FBN1: variants seen among roughly 807,000 people sequenced by gnomAD.
FBN1 encodes the protein fibrillin 1, also known as fibrillin-1.
In FBN1, 29 loss-of-function variants were observed where a neutral mutation model predicts 365.1. That is an observed-to-expected ratio of 0.08 (90% CI 0.06 to 0.11). The LOEUF is 0.11. FBN1 is among the 10% of genes least tolerant of loss of function. The pLI is 1.00. For synonymous variants in FBN1, 1,210 were observed against 1,270.5 expected (o/e 0.95, Z 1.01); for missense variants, 2,476 against 3,703.2 (o/e 0.67, Z 8.60).
intron 10 of FBN1, among the ~76,000 whole-genome samples, chr15:48,518,613 T>G (rs1403114230): frequency 6.6e-6 from 1 of 152,222 alleles, no homozygotes; most frequent in Non-Finnish European, 1.5e-5. Flanking sequence ...AATCTGATAT[T>G]TCTTCCTATT....
intron 32 of FBN1, chr15:48,476,746 G>A: frequency 6.0e-6 from 1 of 166,076 alleles, no homozygotes; most frequent in Middle Eastern, 3.0e-3. Flanking sequence ...TAGTAGCTGG[G>A]ATTACAGGTG....
chr15:48,611,256 T>C (rs1298322995), intron 3 of FBN1, among the ~76,000 whole-genome samples: 2 of 152,216 alleles, frequency 1.3e-5, no homozygotes, highest in Non-Finnish European at 2.9e-5. Context: ...ATTGTAAATT[T>C]ATTTTGTTTT....
At chr15:48,471,867 C>A (rs1387852648) in intron 35 of FBN1, among the ~76,000 whole-genome samples, 2 of 152,184 alleles carry the variant, frequency 1.3e-5, no homozygotes, top group Non-Finnish European at 2.9e-5. Context: ...ATCTTGTGTT[C>A]CCTAATGGGA....
chr15:48,590,743 T>C (rs971859121), intron 6 of FBN1, among the ~76,000 whole-genome samples: 25 of 152,350 alleles, frequency 1.6e-4, no homozygotes, highest in African/African-American at 5.8e-4. Context: ...ACTGTTCTGC[T>C]TCTCTAATGA....
intron 52 of FBN1, 49 bp from the exon 53 acceptor site, chr15:48,437,126 T>A: frequency 7.6e-7 from 1 of 1,324,280 alleles, no homozygotes. Flanking sequence ...TTTTTAAACG[T>A]GAAGATAAAT....
chr15:48,572,776 A>C (rs977342800), intron 6 of FBN1, among the ~76,000 whole-genome samples: 2 of 152,218 alleles, frequency 1.3e-5, no homozygotes, highest in Non-Finnish European at 2.9e-5. Flanking sequence ...AAAAAGAGGG[A>C]CATAAGCTTT....
chr15:48,520,254 G>A (rs994608117), intron 10 of FBN1, among the ~76,000 whole-genome samples: 2 of 151,984 alleles, frequency 1.3e-5, no homozygotes, highest in African/African-American at 4.8e-5. Context: ...AAACAAGCAG[G>A]ACTTAGCAGG....
chr15:48,422,552 A>G (rs1034713246), intron 60 of FBN1, among the ~76,000 whole-genome samples: 1 of 152,244 alleles, frequency 6.6e-6, no homozygotes, highest in African/African-American at 2.4e-5. Flanking sequence ...CATCAAAAAC[A>G]AAATCTGATT....
rs200285733 is a variant in FBN1, at chr15:48,445,125, T to C, written c.5917+251A>G. On this transcript the variant is annotated intron_variant, in intron 48 of 65. Coordinates refer to ENST00000316623, the MANE Select transcript of FBN1 (RefSeq NM_000138.5). Reference sequence around the variant, plus strand: ...AAGTGATTATATATATATATACACATATATATATATACACACACACATATA... The same window carrying C: ...AAGTGATTATATATATATATACACACATATATATATACACACACACATATA... 2.4e-4 allele frequency among the ~76,000 whole-genome samples: 33 copies of C among 135,830 alleles called. 1 individual carries two copies. Among genetic ancestry groups the C allele is most frequent in the Admixed American group, 6.9e-4 (9 of 13,128 alleles). The allele number at this position is 135,830 out of a possible 152,430, so 89.1% of individuals were successfully genotyped here. A position where few individuals can be genotyped will look rare whatever the true frequency, so the allele number is the denominator to read the frequency against.
intron 40 of FBN1, among the ~76,000 whole-genome samples, chr15:48,464,900 C>G (rs2141268803): frequency 6.6e-6 from 1 of 152,284 alleles, no homozygotes; most frequent in African/African-American, 2.4e-5. Flanking sequence ...TCAACTAATA[C>G]TCAATAAGGT....
chr15:48,428,273 A>G (rs1043035540), intron 57 of FBN1, 73 bp downstream of exon 57: 2 of 1,565,188 alleles, frequency 1.3e-6, no homozygotes, highest in Non-Finnish European at 1.8e-6. Context: ...TGTATTTTAA[A>G]TAAGAAGTCT....
chr15:48,503,878 C>A lies in FBN1; in HGVS notation c.2022G>T (p.Leu674Phe), dbSNP rs794728182. ...ATTCAGATTTAGTGACAGCACCAAA[C>A]AAAGGTTTGATACACTGGCCTCTCT... ...GYKRGQCIKP[L>F]FGAVTKSECC... The change falls in exon 17 of 66, where the codon TTG (leucine) becomes TTT (phenylalanine). Residue 674 changes from leucine to phenylalanine, a missense_variant. By Grantham distance (22) the Leu-to-Phe change is conservative. Coordinates refer to ENST00000316623, the MANE Select transcript of FBN1 (RefSeq NM_000138.5). The A allele has an allele frequency of 6.2e-7, 1 of 1,614,198 alleles. No individual in the cohort carries two copies. The highest frequency in any genetic ancestry group is 8.5e-7 in the Non-Finnish European group (1 of 1,180,042).
At chr15:48,490,987 G>C (rs1386356541) in intron 24 of FBN1, among the ~76,000 whole-genome samples, 3 of 152,096 alleles carry the variant, frequency 2.0e-5, no homozygotes, top group Non-Finnish European at 2.9e-5. Flanking sequence ...AACTCCCTGG[G>C]TTTCCTCTAA....
chr15:48,535,320 A>G (rs528169647), intron 7 of FBN1, among the ~76,000 whole-genome samples: 32 of 152,346 alleles, frequency 2.1e-4, no homozygotes, highest in Non-Finnish European at 3.4e-4. Context: ...AATGTCTTCA[A>G]TATAAGCTTC....
chr15:48,594,332 C>G (rs62011436), intron 6 of FBN1, among the ~76,000 whole-genome samples: 2,572 of 152,274 alleles, frequency 0.017, 65 homozygotes, highest in African/African-American at 0.059. Context: ...AACGGGCAAG[C>G]CTGCCTTCTG....
intron 6 of FBN1, among the ~76,000 whole-genome samples, chr15:48,566,568 T>C (rs1235554661): frequency 1.3e-5 from 2 of 152,256 alleles, no homozygotes; most frequent in Non-Finnish European, 2.9e-5. Flanking sequence ...CTTTTTAACA[T>C]TATGTTAAGA....
intron 62 of FBN1, 129 bp downstream of exon 62, chr15:48,421,429 T>C: frequency 8.9e-7 from 1 of 1,122,610 alleles, no homozygotes. Context: ...GTGCACACTA[T>C]TTTAGCTGAG....
At chr15:48,454,755 G>A (rs565397063) in intron 44 of FBN1, among the ~76,000 whole-genome samples, 2 of 152,336 alleles carry the variant, frequency 1.3e-5, no homozygotes, top group African/African-American at 4.8e-5. Flanking sequence ...ATTCTGTGGT[G>A]GAAAACCCTC....
At chr15:48,562,967 A>G (rs2044234938) in intron 6 of FBN1, among the ~76,000 whole-genome samples, 4 of 152,160 alleles carry the variant, frequency 2.6e-5, no homozygotes, top group Non-Finnish European at 5.9e-5. Flanking sequence ...TCTATTTGTA[A>G]AGTCCTTTAG....
Sources: gnomAD v4.1 joint callset for allele counts (sites outside exome capture counted in the v4.1 genomes callset) on GRCh38, gnomAD v4.1.1 for gene constraint, MANE v1.5 for transcripts, NCBI Gene and HGNC (gene_info 2026-07-23, HGNC 2026-07-21) for gene names.